Variants in PTGES observed in about 807,000 individuals in gnomAD.
PTGES encodes MGST1-like 1.
Under a neutral mutation model 11.8 loss-of-function variants are expected in PTGES, and 3 were observed. The ratio of observed to expected loss-of-function variants is 0.25; its 90% CI spans 0.12 to 0.66. The LOEUF is 0.66. Among genes scored for constraint, PTGES ranks in the 30% least tolerant of loss-of-function variants. PTGES has a pLI of 0.82. For synonymous variants in PTGES, 94 were observed against 90.4 expected, an observed-to-expected ratio of 1.04 and a Z score of -0.22; for missense variants, 180 against 213.0, an observed-to-expected ratio of 0.85 and a Z score of 0.96.
At chr9:129,751,416 C>T (rs896985425) in intron 1 of PTGES, among the ~76,000 whole-genome samples, 3 of 151,194 alleles carry the variant, frequency 2.0e-5, no homozygotes, top group Non-Finnish European at 4.4e-5. Context: ...CGGTGGCTCA[C>T]GCCTGTAATT....
intron 2 of PTGES, among the ~76,000 whole-genome samples, chr9:129,743,645 C>T (rs928636167): frequency 2.0e-5 from 3 of 152,190 alleles, no homozygotes; most frequent in Non-Finnish European, 1.5e-5. Context: ...CTGGCATCCA[C>T]GGTGGGGCCA....
At chr9:129,749,752 C>T (rs1408076534) in intron 1 of PTGES, 2 of 152,314 alleles carry the variant, frequency 1.3e-5, no homozygotes, top group Non-Finnish European at 2.9e-5. Context: ...AGGGACAGCA[C>T]GTGCAAAGGC....
At chr9:129,742,132 A>C (rs1833000368) in intron 2 of PTGES, among the ~76,000 whole-genome samples, 1 of 151,678 alleles carries the variant, frequency 6.6e-6, no homozygotes, top group African/African-American at 2.4e-5. Flanking sequence ...TACCTGGCCA[A>C]CATGGCAAAA....
chr9:129,742,328 C>G (rs1169387324), intron 2 of PTGES, among the ~76,000 whole-genome samples: 3 of 51,114 alleles, frequency 5.9e-5, no homozygotes, highest in Non-Finnish European at 1.3e-4. Flanking sequence ...GACTCTGTCT[C>G]AAAAAAAAAA....
At chr9:129,742,350 A>C (rs893958603) in intron 2 of PTGES, among the ~76,000 whole-genome samples, 15 of 149,736 alleles carry the variant, frequency 1.0e-4, no homozygotes, top group African/African-American at 3.2e-4. Context: ...AAAAAAAAAA[A>C]CATAAAACAA....
chr9:129,740,763 A>G (rs903135022), intron 2 of PTGES, among the ~76,000 whole-genome samples: 1 of 152,186 alleles, frequency 6.6e-6, no homozygotes, highest in African/African-American at 2.4e-5. Context: ...TGAGTCCCAT[A>G]AATTAGAGAC....
chr9:129,742,304 G>A (rs180741939), intron 2 of PTGES, among the ~76,000 whole-genome samples: 59 of 130,456 alleles, frequency 4.5e-4, no homozygotes, highest in African/African-American at 1.5e-3. Context: ...CAGCCTGGGC[G>A]ACAGAGTGAG....
chr9:129,739,449 C>T lies in PTGES; in HGVS notation c.*162G>A, dbSNP rs1832971221. 1.0e-6 allele frequency: 1 copy of T among 979,750 alleles called. No individual in the cohort carries two copies. The highest frequency in any genetic ancestry group is 1.5e-6 in the Non-Finnish European group (1 of 683,520). The allele number at this position is 979,750 out of a possible 1,614,324, so 60.7% of individuals were successfully genotyped here. Reference sequence around the variant, plus strand: ...ACACACACATACACACACACGGGCACACACACAGGCCCACTGTGCCCAGAG... The same window carrying T: ...ACACACACATACACACACACGGGCATACACACAGGCCCACTGTGCCCAGAG... On this transcript the variant is annotated 3_prime_UTR_variant, in exon 3 of 3. Transcript: ENST00000340607. The surrounding 1 kb of genome is among the most constrained non-coding windows in gnomAD (Gnocchi z 5.7).
intron 1 of PTGES, among the ~76,000 whole-genome samples, chr9:129,750,064 C>T (rs1833088549): frequency 6.6e-6 from 1 of 151,908 alleles, no homozygotes; most frequent in African/African-American, 2.4e-5. Context: ...GGACAATGCC[C>T]AGCACAAGGA....
intron 2 of PTGES, among the ~76,000 whole-genome samples, chr9:129,741,632 T>A (rs1191946383): frequency 6.6e-6 from 1 of 151,896 alleles, no homozygotes; most frequent in Non-Finnish European, 1.5e-5. Context: ...AAGAGGGAGA[T>A]TACAGACTCA....
intron 2 of PTGES, among the ~76,000 whole-genome samples, chr9:129,748,412 G>A (rs1278002988): frequency 6.6e-6 from 1 of 152,132 alleles, no homozygotes; most frequent in South Asian, 2.1e-4. Context: ...AGGTAGGAGG[G>A]AGACTGAATG....
intron 2 of PTGES, 137 bp downstream of exon 2, chr9:129,748,518 G>A (rs981734510): frequency 1.6e-6 from 1 of 621,546 alleles, no homozygotes. Flanking sequence ...ATTGAATAAA[G>A]TAAAACAGTC....
At chr9:129,752,631 C>T (rs993894213) in intron 1 of PTGES, among the ~76,000 whole-genome samples, 5 of 152,388 alleles carry the variant, frequency 3.3e-5, no homozygotes, top group South Asian at 4.1e-4. Context: ...CACAGACACT[C>T]GCTGGCTCTC....
In PTGES at chr9:129,753,014, T is replaced by C; in HGVS notation, c.-2A>G. 1 of 1,603,500 alleles carries C rather than the reference T, an allele frequency of 6.2e-7. No homozygotes were observed. The highest frequency in any genetic ancestry group is 2.2e-5 in the East Asian group (1 of 44,860). ...CATCACCAGGCTGTGGGCAGGCATC[T>C]CTGGCCAGCGCAGCTCAACTGTGGG... On this transcript the variant is annotated 5_prime_UTR_variant, in exon 1 of 3. Transcript: ENST00000340607.
chr9:129,743,607 G>C (rs1833021651), intron 2 of PTGES, among the ~76,000 whole-genome samples: 1 of 152,190 alleles, frequency 6.6e-6, no homozygotes, highest in African/African-American at 2.4e-5. Flanking sequence ...CCGCTCCACA[G>C]GGTCTCCTCT....
chr9:129,752,793 C>T (rs993930034), intron 1 of PTGES, 94 bp downstream of exon 1: 8 of 1,594,230 alleles, frequency 5.0e-6, no homozygotes, highest in Non-Finnish European at 6.0e-6. Context: ...CCTGCACACA[C>T]CTTGGCCATG....
rs1216301500 is a variant in PTGES at position 129,739,491 on chromosome 9, G to C, written c.*120C>G. On this transcript the variant is annotated 3_prime_UTR_variant, in exon 3 of 3. Coordinates refer to ENST00000340607, the MANE Select transcript of PTGES (RefSeq NM_004878.5). This position sits in a 1 kb window ranked among gnomAD's most constrained non-coding sequence, Gnocchi z 5.7. Reference sequence around the variant, plus strand: ...TGCCCAGAGACCCACACGCGCAGCAGGCTGCCAGGAAACCAGGACTCAGGG... The same window carrying C: ...TGCCCAGAGACCCACACGCGCAGCACGCTGCCAGGAAACCAGGACTCAGGG... The C allele has an allele frequency of 7.3e-7, 1 of 1,375,408 alleles. No individual in the cohort carries two copies. The highest frequency in any genetic ancestry group is 2.5e-5 in the East Asian group (1 of 39,852). The allele number at this position is 1,375,408 out of a possible 1,614,324, so 85.2% of individuals were successfully genotyped here.
chr9:129,749,496 A>G (rs1294239147), intron 1 of PTGES: 2 of 152,210 alleles, frequency 1.3e-5, no homozygotes, highest in African/African-American at 2.4e-5. Context: ...AAATACAAAA[A>G]TTAGCTGTGT....
intron 2 of PTGES, among the ~76,000 whole-genome samples, chr9:129,740,228 A>G (rs574074802): frequency 2.6e-4 from 40 of 152,206 alleles, no homozygotes; most frequent in Admixed American, 2.6e-4. Context: ...TGGGACTCAG[A>G]GGTGCTGAGT....
Sources: gnomAD v4.1 joint callset for allele counts (sites outside exome capture counted in the v4.1 genomes callset) on GRCh38, gnomAD v4.1.1 for gene constraint, Gnocchi (gnomAD v3.1) non-coding constraint, MANE v1.5 for transcripts, NCBI Gene and HGNC (gene_info 2026-07-23, HGNC 2026-07-21) for gene names.